AGBL1: variants seen among roughly 807,000 people sequenced by gnomAD.
The protein encoded by AGBL1 is cytosolic carboxypeptidase 4.
A neutral mutation model predicts 118.9 loss-of-function variants in AGBL1; 130 were observed. That is an observed-to-expected ratio of 1.09 (90% confidence interval 0.95 to 1.26). The LOEUF is 1.26. Among genes scored for constraint, AGBL1 ranks in the 50% most tolerant of loss-of-function variants. The pLI, the probability that AGBL1 is intolerant of heterozygous loss-of-function variation, is 0.00. For synonymous variants in AGBL1, 555 were observed against 478.9 expected (o/e 1.16, Z -2.08); for missense variants, 1,584 against 1,298.1 (o/e 1.22, Z -3.38).
intron 21 of AGBL1, among the ~76,000 whole-genome samples, chr15:86,672,611 C>G (rs1390842427): frequency 6.6e-6 from 1 of 152,146 alleles, no homozygotes; most frequent in East Asian, 1.9e-4. Context: ...CACTTCCAAT[C>G]AAGCCAGCCA....
intron 17 of AGBL1, among the ~76,000 whole-genome samples, chr15:86,345,376 A>T (rs1433478786): frequency 2.0e-5 from 3 of 152,236 alleles, no homozygotes; most frequent in Non-Finnish European, 4.4e-5. Flanking sequence ...AACATTAATT[A>T]TGCACCTACT....
At chr15:86,733,467 G>A (rs892525995) in intron 22 of AGBL1, among the ~76,000 whole-genome samples, 4 of 152,184 alleles carry the variant, frequency 2.6e-5, no homozygotes, top group Admixed American at 2.6e-4. Flanking sequence ...AGCTATCTGA[G>A]CATCCCTTAG....
intron 22 of AGBL1, among the ~76,000 whole-genome samples, chr15:86,849,412 C>A (rs1303956471): frequency 6.6e-6 from 1 of 151,898 alleles, no homozygotes; most frequent in East Asian, 1.9e-4. Context: ...CAGCATGGGG[C>A]TAAATAATTC....
At chr15:86,757,873 T>C (rs1272617967) in intron 22 of AGBL1, among the ~76,000 whole-genome samples, 1 of 152,136 alleles carries the variant, frequency 6.6e-6, no homozygotes, top group Non-Finnish European at 1.5e-5. Context: ...CCAGATTCTC[T>C]GAATGATTCT....
At chr15:87,004,341 C>G (rs922677713) in intron 24 of AGBL1, among the ~76,000 whole-genome samples, 1 of 152,148 alleles carries the variant, frequency 6.6e-6, no homozygotes, top group Admixed American at 6.5e-5. Context: ...TTCTCAGTCT[C>G]TAAGGACTTT....
At chr15:86,328,623 G>T (rs971368788) in intron 17 of AGBL1, among the ~76,000 whole-genome samples, 2 of 152,092 alleles carry the variant, frequency 1.3e-5, no homozygotes, top group African/African-American at 4.8e-5. Flanking sequence ...AGGAGAATGT[G>T]GGTAAACAGC....
chr15:86,587,997 T>C (rs1217015622), intron 21 of AGBL1, among the ~76,000 whole-genome samples: 1 of 152,202 alleles, frequency 6.6e-6, no homozygotes, highest in Admixed American at 6.6e-5. Context: ...TATGTATGCA[T>C]GTACATGGAA....
At chr15:86,785,587 C>T (rs772703731) in intron 22 of AGBL1, among the ~76,000 whole-genome samples, 1 of 151,814 alleles carries the variant, frequency 6.6e-6, no homozygotes, top group African/African-American at 2.4e-5. Context: ...AGGCTGGTCT[C>T]GAACTCCTGG....
In AGBL1 at chr15:86,780,722, C is replaced by T. The variant is rs536913803; in HGVS notation, c.3158+106286C>T. On this transcript the variant is annotated intron_variant, in intron 22 of 22. Coordinates refer to ENST00000614907, the MANE Select transcript of AGBL1 (RefSeq NM_001386094.1). ...TGTCGCCCAGGCTGGAGCTCAGTGG[C>T]GTGATATCTTGGCTCACTGCGACTT... is the stretch of plus-strand genomic sequence containing the variant. Among the ~76,000 whole-genome samples the T allele has an allele frequency of 1.1e-4, 16 of 148,250 alleles. No individual in the cohort carries two copies. The East Asian group carries it at 1.6e-3, about 15-fold the overall frequency.
intron 1 of AGBL1, among the ~76,000 whole-genome samples, chr15:86,098,014 C>G (rs1392033988): frequency 6.6e-6 from 1 of 152,042 alleles, no homozygotes; most frequent in Admixed American, 6.5e-5. Flanking sequence ...TCCATTCTTC[C>G]TGGGGTAAGA....
intron 18 of AGBL1, among the ~76,000 whole-genome samples, chr15:86,458,481 C>A (rs1015895141): frequency 4.6e-5 from 7 of 152,108 alleles, no homozygotes; most frequent in African/African-American, 1.7e-4. Flanking sequence ...AACATGTATA[C>A]CATTCATTCC....
intron 22 of AGBL1, among the ~76,000 whole-genome samples, chr15:86,827,303 G>A (rs5002948): frequency 0.35 from 1,632 of 4,708 alleles, 299 homozygotes; most frequent in East Asian, 0.53. Context: ...ATATATATAT[G>A]TATATATATA....
intron 24 of AGBL1, among the ~76,000 whole-genome samples, chr15:87,002,125 G>A (rs1264677267): frequency 6.6e-6 from 1 of 152,034 alleles, no homozygotes. Flanking sequence ...TAACATTTAA[G>A]TCTTTAATCC....
At chr15:86,335,612 A>G (rs1210034532) in intron 17 of AGBL1, among the ~76,000 whole-genome samples, 1 of 152,226 alleles carries the variant, frequency 6.6e-6, no homozygotes, top group Non-Finnish European at 1.5e-5. Context: ...AGAACACCAA[A>G]TATTGAGGGA....
At chr15:86,216,319 A>G (rs1306660856) in intron 5 of AGBL1, among the ~76,000 whole-genome samples, 1 of 152,104 alleles carries the variant, frequency 6.6e-6, no homozygotes, top group African/African-American at 2.4e-5. Context: ...GTAGCAGAAT[A>G]TGTATCTTTA....
At chr15:86,931,939 C>A (rs1445907594) in intron 23 of AGBL1, among the ~76,000 whole-genome samples, 1 of 152,152 alleles carries the variant, frequency 6.6e-6, no homozygotes, top group African/African-American at 2.4e-5. Flanking sequence ...GTGATGCTAT[C>A]TAGCAATGTT....
Position 86,793,443 on chromosome 15 carries a change from C to G in AGBL1, c.3159-113644C>G, listed in dbSNP as rs544513143. On this transcript the variant is annotated intron_variant, in intron 22 of 22. Coordinates refer to ENST00000614907, the MANE Select transcript of AGBL1 (RefSeq NM_001386094.1). ...AACTTGCAAAAGAATGAATTTGGAC[C>G]TTACCTCACACCATTTACAAAAATT... Among the ~76,000 whole-genome samples, 56 of 152,212 alleles carry G rather than the reference C, an allele frequency of 3.7e-4. No homozygotes were observed. The Middle Eastern group carries it at 0.017, about 47-fold the overall frequency.
intron 21 of AGBL1, among the ~76,000 whole-genome samples, chr15:86,570,949 A>G (rs887752094): frequency 6.6e-6 from 1 of 152,124 alleles, no homozygotes. Context: ...GTGTGTGAGC[A>G]GCATGCGGGC....
At chr15:86,388,768 C>G (rs2081234054) in intron 17 of AGBL1, among the ~76,000 whole-genome samples, 1 of 152,192 alleles carries the variant, frequency 6.6e-6, no homozygotes, top group Non-Finnish European at 1.5e-5. Context: ...TGCTTTCCCT[C>G]TTTTCTTGCC....
Sources: allele counts gnomAD v4.1 joint callset (sites outside exome capture counted in the v4.1 genomes callset), GRCh38; gene constraint gnomAD v4.1.1; transcripts MANE v1.5; gene names NCBI Gene and HGNC (gene_info 2026-07-23, HGNC 2026-07-21).